UBR4: variants seen among roughly 807,000 people sequenced by gnomAD.
The protein encoded by UBR4 is E3 ubiquitin-protein ligase UBR4.
Under a neutral mutation model 575.6 loss-of-function variants are expected in UBR4, and 124 were observed. That is an observed-to-expected ratio of 0.22 (90% confidence interval 0.19 to 0.25). The LOEUF is 0.25. Ranked by LOEUF, UBR4 falls within the 10% of genes least tolerant of loss-of-function variation. The pLI, the probability that UBR4 is intolerant of heterozygous loss-of-function variation, is 1.00. For missense variants in UBR4, 4,818 were observed against 6,478.8 expected, an observed-to-expected ratio of 0.74 and a Z score of 8.80; for synonymous variants, 2,455 against 2,473.7, an observed-to-expected ratio of 0.99 and a Z score of 0.22.
chr1:19,201,392 G>T (rs183894201), intron 2 of UBR4, among the ~76,000 whole-genome samples: 38 of 152,188 alleles, frequency 2.5e-4, no homozygotes, highest in Middle Eastern at 6.8e-3. Context: ...ATCCACCACC[G>T]CCTTCCCCCC....
chr1:19,173,452 A>G lies in UBR4; in HGVS notation c.3152T>C (p.Val1051Ala). 4 of 1,614,126 alleles carry G rather than the reference A, an allele frequency of 2.5e-6. No individual in the cohort carries two copies. Among genetic ancestry groups the G allele is most frequent in the Non-Finnish European group, 3.4e-6 (4 of 1,180,002 alleles). ...GCTCTGTGTTACCTTTATCCAGTTG[A>G]CATAGGAGCTGATCCGGAGCCGAGA... Reference protein sequence around the residue: ...WSSRLRISSYVNWIKDHLIKQ... With the variant: ...WSSRLRISSYANWIKDHLIKQ... Residue 1051 changes from valine to alanine, a missense_variant, in exon 23 of 106, where the codon GTC (valine) becomes GCC (alanine). Coordinates refer to ENST00000375254, the MANE Select transcript of UBR4 (RefSeq NM_020765.3).
At chr1:19,169,604 G>C in intron 26 of UBR4, 72 bp from the exon 27 acceptor site, 3 of 1,306,198 alleles carry the variant, frequency 2.3e-6, no homozygotes, top group South Asian at 2.7e-5. Context: ...TAAAAGCCAA[G>C]CCCAAATGCA....
rs370538252 is a variant in UBR4 at position 19,183,713 on chromosome 1, C to T, written c.2184+98G>A. 2.1e-5 allele frequency: 27 copies of T among 1,263,638 alleles called. 1 individual carries two copies. Among genetic ancestry groups the T allele is most frequent in the East Asian group, 2.5e-5 (1 of 40,522 alleles). 78.3% of individuals were successfully genotyped at this position (1,263,638 alleles called of 1,614,324 possible). A position where few individuals can be genotyped will look rare whatever the true frequency, so the allele number is the denominator to read the frequency against. Reference sequence around the variant, plus strand: ...CTCCAGCCTGGGTAACAGAGCAAGACTCCATCTCAAAAAAACAAACAAACA... The same window carrying T: ...CTCCAGCCTGGGTAACAGAGCAAGATTCCATCTCAAAAAAACAAACAAACA... On this transcript the variant is annotated intron_variant, in intron 17 of 105. Coordinates refer to ENST00000375254, the MANE Select transcript of UBR4 (RefSeq NM_020765.3).
rs1003709572 is a variant in UBR4, at chr1:19,101,500, G to C, written c.13023+20C>G. ...GCTGTGCTGACACTCGAGAGCCATG[G>C]GAAGCACCGCACTGCTTACAGGATA... is the stretch of plus-strand genomic sequence containing the variant. On this transcript the variant is annotated intron_variant, in intron 88 of 105. Transcript: ENST00000375254. 1.9e-6 allele frequency: 3 copies of C among 1,594,738 alleles called. No individual in the cohort carries two copies. The highest frequency in any genetic ancestry group is 2.7e-5 in the African/African-American group (2 of 74,650).
Position 19,153,725 on chromosome 1 carries a change from C to T in UBR4, c.6630+43G>A, listed in dbSNP as rs1350998498. 6.3e-7 allele frequency: 1 copy of T among 1,584,948 alleles called. No homozygotes were observed. The highest frequency in any genetic ancestry group is 8.6e-7 in the Non-Finnish European group (1 of 1,167,390). ...TGAATATACAAACATAAAAAGAGAC[C>T]AGGTTCACAGCAAAGTAATGAATGG... On this transcript the variant is annotated intron_variant, in intron 45 of 105. Transcript: ENST00000375254. The surrounding 1 kb of genome is among the most constrained non-coding windows in gnomAD (Gnocchi z 4.1).
intron 11 of UBR4, among the ~76,000 whole-genome samples, chr1:19,188,405 T>A (rs914965409): frequency 6.6e-5 from 10 of 151,886 alleles, no homozygotes; most frequent in Non-Finnish European, 1.5e-4. Flanking sequence ...TATGAAAAAC[T>A]TAGCCAGAAG....
Position 19,155,502 on chromosome 1 carries a change from C to T in UBR4, c.6239G>A (p.Ser2080Asn), listed in dbSNP as rs1374895347. Reference protein sequence around the residue: ...IYTQLMEEASSAQQGPFYVTN... With the variant: ...IYTQLMEEASNAQQGPFYVTN... Reference sequence around the variant, plus strand: ...GACATAGAAGGGTCCCTGCTGGGCACTGCTGGCCTCTTCCATAAGCTGAGT... The same window carrying T: ...GACATAGAAGGGTCCCTGCTGGGCATTGCTGGCCTCTTCCATAAGCTGAGT... The change falls in exon 43 of 106, where the codon AGT (serine) becomes AAT (asparagine). Residue 2080 changes from serine (S) to asparagine (N), a missense_variant. Transcript: ENST00000375254. 2.5e-6 allele frequency: 4 copies of T among 1,614,164 alleles called. No homozygotes were observed. The East Asian group carries it at 8.9e-5, about 36-fold the overall frequency.
chr1:19,159,974 G>T, intron 39 of UBR4, 137 bp downstream of exon 39: 2 of 1,107,088 alleles, frequency 1.8e-6, no homozygotes, highest in Non-Finnish European at 2.5e-6. Context: ...ATGTCATGAT[G>T]TCTTAGATTC....
In UBR4 at chr1:19,150,658, G is replaced by C. The variant is rs776450762; in HGVS notation, c.7349C>G (p.Pro2450Arg). 1.2e-6 allele frequency: 2 copies of C among 1,614,090 alleles called. No homozygotes were observed. Among genetic ancestry groups the C allele is most frequent in the Non-Finnish European group, 1.7e-6 (2 of 1,180,014 alleles). The change falls in exon 49 of 106, where the codon CCT becomes CGT. Residue 2450 changes from proline (P) to arginine (R), a missense_variant. Physicochemically the swap from Pro to Arg is moderately radical, Grantham distance 103 (BLOSUM62 -2). This residue lies in a region of UBR4 where 340 missense variants were observed against 375.4 expected (regional missense o/e 0.91). Transcript: ENST00000375254. ...FPSASVSNIC[P>R]SNLNQSNGTG... is the part of the protein sequence containing the mutation. ...GCCGTTGCTCTGGTTCAGATTTGAA[G>C]GGCAGATGTTGCTGACAGAGGCAGA...
At chr1:19,128,711 T>C (rs12563386) in intron 61 of UBR4, among the ~76,000 whole-genome samples, 41,917 of 152,120 alleles carry the variant, frequency 0.28, 6,618 homozygotes, top group East Asian at 0.61. Context: ...ACATAAAGAC[T>C]AGAGACTCAG....
At chr1:19,151,572 C>T (rs1418933970) in intron 48 of UBR4, 71 bp downstream of exon 48, 1 of 1,527,372 alleles carries the variant, frequency 6.5e-7, no homozygotes. Context: ...TGTTGGACAG[C>T]CACAGGCCAG....
At chr1:19,162,385 T>G (rs1295177525) in intron 35 of UBR4, 35 bp downstream of exon 35, 1 of 1,589,606 alleles carries the variant, frequency 6.3e-7, no homozygotes, top group Non-Finnish European at 8.6e-7. Flanking sequence ...AGTCATTACC[T>G]TGAGAGGTTA....
At position 19,160,271 on chromosome 1, in the gene UBR4, G is replaced by T; in HGVS notation, c.5417C>A (p.Ser1806Tyr). ...CATGTCTAACACGAGAGGAGCGAAGGAGAAATTGGCCTGAGAAAAATAGAA... is the reference window on the plus strand; with the variant it reads ...CATGTCTAACACGAGAGGAGCGAAGTAGAAATTGGCCTGAGAAAAATAGAA... ...REELQNQANF[S>Y]FAPLVLDMLN... is the part of the protein sequence containing the mutation. Residue 1806 changes from serine (S) to tyrosine (Y), a missense_variant, in exon 39 of 106, where the codon TCC (serine) becomes TAC (tyrosine). Ser to Tyr is a moderately radical substitution (Grantham distance 144). Transcript: ENST00000375254. The T allele has an allele frequency of 6.3e-7, 1 of 1,597,938 alleles. No homozygotes were observed. Among genetic ancestry groups the T allele is most frequent in the Non-Finnish European group, 8.5e-7 (1 of 1,172,258 alleles).
chr1:19,097,620 C>T (rs1303125873), intron 90 of UBR4, among the ~76,000 whole-genome samples: 6 of 152,124 alleles, frequency 3.9e-5, no homozygotes, highest in Non-Finnish European at 8.8e-5. Flanking sequence ...TTCTATGATC[C>T]TTTTACATAA....
intron 17 of UBR4, 146 bp downstream of exon 17, chr1:19,183,663 AGT>A: frequency 1.4e-6 from 1 of 709,612 alleles, no homozygotes; most frequent in South Asian, 1.7e-5. Context: ...TGGAGGTTGC[AGT>A]GAGCCAAGAC....
chr1:19,160,320 A>AG (rs2087128490), intron 38 of UBR4, 39 bp from the exon 39 acceptor site: 2 of 1,509,486 alleles, frequency 1.3e-6, no homozygotes, highest in East Asian at 4.8e-5. Context: ...GAAAAAAAAA[A>AG]AAAAGAAAAA....
chr1:19,183,853 G>C lies in UBR4; in HGVS notation c.2142C>G (p.Asn714Lys). 2 of 1,614,184 alleles carry C rather than the reference G, an allele frequency of 1.2e-6. No individual in the cohort carries two copies. The highest frequency in any genetic ancestry group is 1.7e-6 in the Non-Finnish European group (2 of 1,180,036). The change falls in exon 17 of 106, where the codon AAC (asparagine) becomes AAG (lysine). Residue 714 changes from asparagine (N) to lysine (K), a missense_variant. Around this residue, in one of 29 missense-constraint regions of UBR4, gnomAD observed 1,172 missense variants for 1,259.7 expected, o/e 0.93. Coordinates refer to ENST00000375254, the MANE Select transcript of UBR4 (RefSeq NM_020765.3). ...GAAGGTCAGAGGTTACCAGTGAGTG[G>C]TTGAAGTGATAGAGAGCTGCAGCAA... is the stretch of plus-strand genomic sequence containing the variant. ...EEFAAALYHFNHSLVTSDLQS... is the reference protein window; with the variant it reads ...EEFAAALYHFKHSLVTSDLQS...
rs989283427 is a variant in UBR4, at chr1:19,075,312, C to T, written c.15488-416G>A. 25 of 224,626 alleles carry T rather than the reference C, an allele frequency of 1.1e-4. 1 individual carries two copies. Among genetic ancestry groups the T allele is most frequent in the African/African-American group, 4.1e-4 (18 of 43,438 alleles). The allele number at this position is 224,626 out of a possible 1,614,324, so 13.9% of individuals were successfully genotyped here. Reference sequence around the variant, plus strand: ...AGCAGCTCAGGGCTGATGTGGAGCTCGAGCCCAAGGGACCCTCCTTCCTCT... The same window carrying T: ...AGCAGCTCAGGGCTGATGTGGAGCTTGAGCCCAAGGGACCCTCCTTCCTCT... On this transcript the variant is annotated intron_variant, in intron 105 of 105. Coordinates refer to ENST00000375254, the MANE Select transcript of UBR4 (RefSeq NM_020765.3).
chr1:19,179,380 T>A (rs2090630787), intron 17 of UBR4, among the ~76,000 whole-genome samples, 160 bp from the exon 18 acceptor site: 1 of 152,206 alleles, frequency 6.6e-6, no homozygotes, highest in African/African-American at 2.4e-5. Context: ...TGGATAAAGA[T>A]CATTTAGGTC....
Sources: allele counts gnomAD v4.1 joint callset (sites outside exome capture counted in the v4.1 genomes callset), GRCh38; gene constraint gnomAD v4.1.1; regional missense constraint gnomAD v4.1.1; non-coding constraint Gnocchi (gnomAD v3.1); transcripts MANE v1.5; gene names NCBI Gene and HGNC (gene_info 2026-07-23, HGNC 2026-07-21).